The following RNGTT variants were observed in gnomAD, a reference collection of about 807,000 sequenced individuals.
RNGTT encodes the protein mRNA-capping enzyme.
Under a neutral mutation model 79.3 loss-of-function variants are expected in RNGTT, and 33 were observed. The observed-to-expected ratio is 0.42, with a 90% CI of 0.32 to 0.56. The LOEUF (loss-of-function observed/expected upper bound fraction) is 0.56, where lower values mean the gene tolerates loss of function less well. RNGTT is among the 20% of genes least tolerant of loss of function. RNGTT has a pLI of 0.17. For synonymous variants in RNGTT, 222 were observed against 235.9 expected (o/e 0.94, Z 0.54); for missense variants, 497 against 739.1 (o/e 0.67, Z 3.80).
chr6:88,763,262 C>T (rs1244042250), intron 13 of RNGTT, among the ~76,000 whole-genome samples: 1 of 151,900 alleles, frequency 6.6e-6, no homozygotes, highest in Non-Finnish European at 1.5e-5. Flanking sequence ...ATTTTGTTTG[C>T]GTATTTATCC....
chr6:88,856,453 C>A (rs1781848376), intron 8 of RNGTT, among the ~76,000 whole-genome samples: 1 of 151,750 alleles, frequency 6.6e-6, no homozygotes, highest in African/African-American at 2.4e-5. Context: ...AGTATCAGAC[C>A]TTTTCTTTTA....
intron 11 of RNGTT, among the ~76,000 whole-genome samples, chr6:88,802,328 C>T (rs1779817899): frequency 6.6e-6 from 1 of 151,478 alleles, no homozygotes; most frequent in South Asian, 2.1e-4. Flanking sequence ...GCAAAGAATA[C>T]ACCGTGAAAA....
At chr6:88,817,880 C>T (rs889365842) in intron 11 of RNGTT, among the ~76,000 whole-genome samples, 1 of 151,100 alleles carries the variant, frequency 6.6e-6, no homozygotes, top group Non-Finnish European at 1.5e-5. Flanking sequence ...CTGCCTCAGC[C>T]TCCCAAGTAG....
chr6:88,907,642 T>A (rs1366024950), intron 4 of RNGTT, among the ~76,000 whole-genome samples: 1 of 152,050 alleles, frequency 6.6e-6, no homozygotes, highest in Non-Finnish European at 1.5e-5. Flanking sequence ...AATTAAAACA[T>A]GACAATATTG....
intron 14 of RNGTT, among the ~76,000 whole-genome samples, chr6:88,655,863 T>C (rs1773957771): frequency 6.6e-6 from 1 of 152,184 alleles, no homozygotes; most frequent in African/African-American, 2.4e-5. Flanking sequence ...AATGTGATCT[T>C]GAGAGGCTTC....
intron 6 of RNGTT, among the ~76,000 whole-genome samples, chr6:88,901,495 C>CATTTTTTTTTTTTTT (rs1783458450): frequency 1.5e-5 from 1 of 65,776 alleles, no homozygotes; most frequent in African/African-American, 7.1e-5. Context: ...GCACCCTGAT[C>CATTTTTTTTTTTTTT]TTTTTTTTTT....
chr6:88,719,847 A>G (rs987529735), intron 13 of RNGTT, among the ~76,000 whole-genome samples: 1 of 152,260 alleles, frequency 6.6e-6, no homozygotes, highest in Non-Finnish European at 1.5e-5. Flanking sequence ...AAGATGACCT[A>G]ACAGAATTCC....
intron 13 of RNGTT, among the ~76,000 whole-genome samples, chr6:88,740,501 A>C (rs1431506786): frequency 3.3e-5 from 5 of 152,080 alleles, no homozygotes; most frequent in Non-Finnish European, 5.9e-5. Context: ...CCTGGGTAAC[A>C]GACACCCTGT....
intron 12 of RNGTT, among the ~76,000 whole-genome samples, chr6:88,797,459 T>C (rs1779635342): frequency 6.6e-6 from 1 of 152,022 alleles, no homozygotes. Context: ...ATTTCCTGGA[T>C]GAAATAGTGA....
intron 8 of RNGTT, among the ~76,000 whole-genome samples, chr6:88,868,925 A>G (rs1489476186): frequency 1.3e-5 from 2 of 152,194 alleles, no homozygotes; most frequent in East Asian, 1.9e-4. Context: ...GGATTTTAAT[A>G]ATCTACAAGA....
At chr6:88,854,140 T>C (rs901553306) in intron 8 of RNGTT, among the ~76,000 whole-genome samples, 4 of 152,030 alleles carry the variant, frequency 2.6e-5, no homozygotes, top group Admixed American at 2.0e-4. Flanking sequence ...GGTTTCACTA[T>C]GTTGGTCGCG....
intron 9 of RNGTT, among the ~76,000 whole-genome samples, chr6:88,850,732 C>A (rs951637289): frequency 1.3e-4 from 20 of 152,010 alleles, no homozygotes; most frequent in Admixed American, 8.5e-4. Context: ...AGGTACATGA[C>A]CATTAGCTGC....
chr6:88,873,628 C>T (rs1187376949), intron 8 of RNGTT, among the ~76,000 whole-genome samples: 1 of 152,124 alleles, frequency 6.6e-6, no homozygotes, highest in Non-Finnish European at 1.5e-5. Flanking sequence ...TAAGCAGCAA[C>T]CATCTCTAAC....
chr6:88,908,075 G>A (rs1783714073), intron 4 of RNGTT, among the ~76,000 whole-genome samples: 2 of 152,020 alleles, frequency 1.3e-5, no homozygotes, highest in African/African-American at 2.4e-5. Context: ...ATTCTTCTCT[G>A]TATATATAGA....
intron 13 of RNGTT, among the ~76,000 whole-genome samples, chr6:88,682,457 G>C (rs1450868835): frequency 6.6e-6 from 1 of 152,118 alleles, no homozygotes; most frequent in African/African-American, 2.4e-5. Context: ...CTGAATATAG[G>C]ATCAGTAGTG....
At chr6:88,659,808 G>A (rs749642883) in intron 14 of RNGTT, among the ~76,000 whole-genome samples, 34 of 152,110 alleles carry the variant, frequency 2.2e-4, no homozygotes, top group South Asian at 2.1e-4. Context: ...AAGAACACCC[G>A]GGAAGTTCAT....
At chr6:88,616,580 C>T (rs1207786279) in intron 14 of RNGTT, among the ~76,000 whole-genome samples, 2 of 151,796 alleles carry the variant, frequency 1.3e-5, no homozygotes, top group African/African-American at 4.8e-5. Flanking sequence ...TTTGTTCTTT[C>T]ATAGTGGCCA....
intron 8 of RNGTT, among the ~76,000 whole-genome samples, chr6:88,858,031 T>C (rs917972332): frequency 2.0e-5 from 3 of 152,186 alleles, no homozygotes; most frequent in Admixed American, 1.3e-4. Flanking sequence ...TTCTAACCCT[T>C]GTTCTTTGTA....
At chr6:88,903,361 C>T (rs549154578) in intron 6 of RNGTT, among the ~76,000 whole-genome samples, 1 of 152,270 alleles carries the variant, frequency 6.6e-6, no homozygotes, top group East Asian at 1.9e-4. Context: ...GCCTGAGCAA[C>T]AGAGTTGAGT....
Sources: gnomAD v4.1 joint callset for allele counts (sites outside exome capture counted in the v4.1 genomes callset) on GRCh38, gnomAD v4.1.1 for gene constraint, MANE v1.5 for transcripts, NCBI Gene and HGNC (gene_info 2026-07-23, HGNC 2026-07-21) for gene names.